The following MARCHF1 variants were observed in gnomAD, a reference collection of about 807,000 sequenced individuals.
The protein encoded by MARCHF1 is E3 ubiquitin-protein ligase MARCHF1.
Under a neutral mutation model 54.2 loss-of-function variants are expected in MARCHF1, and 40 were observed. The observed-to-expected ratio is 0.74, with a 90% CI of 0.57 to 0.96. The LOEUF (loss-of-function observed/expected upper bound fraction) is 0.96. MARCHF1 is among the 40% of genes least tolerant of loss of function. The pLI, the probability that MARCHF1 is intolerant of heterozygous loss-of-function variation, is 0.00. For missense variants in MARCHF1, 586 were observed against 656.5 expected, an observed-to-expected ratio of 0.89 and a Z score of 1.17; for synonymous variants, 236 against 236.3, an observed-to-expected ratio of 1.00 and a Z score of 0.01.
intron 1 of MARCHF1, chr4:164,197,507 C>G: frequency 6.2e-7 from 1 of 1,613,484 alleles, no homozygotes. Flanking sequence ...ACTCTTAGTT[C>G]AAGCTTTCTC....
intron 2 of MARCHF1, among the ~76,000 whole-genome samples, chr4:164,062,726 G>A (rs982699575): frequency 2.0e-5 from 3 of 152,188 alleles, no homozygotes; most frequent in Middle Eastern, 3.4e-3. Flanking sequence ...GTTTCACCAC[G>A]TTAGCCAGGC....
chr4:163,690,005 C>T (rs564787772), intron 5 of MARCHF1, among the ~76,000 whole-genome samples: 2 of 152,124 alleles, frequency 1.3e-5, no homozygotes, highest in Non-Finnish European at 2.9e-5. Flanking sequence ...GTTGGCATGA[C>T]CCCTTTTTCT....
intron 5 of MARCHF1, among the ~76,000 whole-genome samples, chr4:163,650,059 TA>T (rs1416008695): frequency 6.6e-6 from 1 of 151,904 alleles, no homozygotes; most frequent in Non-Finnish European, 1.5e-5. Context: ...TTAAAGTTAA[TA>T]TGTTACAGTA....
At chr4:163,892,186 T>G (rs941526079) in intron 3 of MARCHF1, among the ~76,000 whole-genome samples, 2 of 152,348 alleles carry the variant, frequency 1.3e-5, no homozygotes, top group African/African-American at 2.4e-5. Flanking sequence ...ACTTAACCAG[T>G]TAACTGTTCC....
chr4:163,620,646 G>C (rs202230842), intron 5 of MARCHF1, among the ~76,000 whole-genome samples: 13,749 of 132,458 alleles, frequency 0.1, 925 homozygotes, highest in East Asian at 0.25. Flanking sequence ...GAGAGAGAGA[G>C]ACACGCACAC....
intron 2 of MARCHF1, among the ~76,000 whole-genome samples, chr4:163,994,589 A>G (rs910181720): frequency 2.6e-5 from 4 of 152,080 alleles, no homozygotes; most frequent in Non-Finnish European, 4.4e-5. Context: ...ATTTAAAAAA[A>G]AGAAAGAAGT....
chr4:163,665,674 T>C (rs1387106641), intron 5 of MARCHF1, among the ~76,000 whole-genome samples: 2 of 152,152 alleles, frequency 1.3e-5, no homozygotes, highest in East Asian at 3.9e-4. Context: ...TTGTGAAATT[T>C]TGTTTTCTTT....
At chr4:164,227,364 T>G (rs570254602) in intron 1 of MARCHF1, among the ~76,000 whole-genome samples, 1 of 152,204 alleles carries the variant, frequency 6.6e-6, no homozygotes, top group African/African-American at 2.4e-5. Context: ...CTCCACCTGG[T>G]CCCACCCTTG....
At chr4:163,810,009 C>G (rs1410820032) in intron 4 of MARCHF1, among the ~76,000 whole-genome samples, 1 of 151,516 alleles carries the variant, frequency 6.6e-6, no homozygotes, top group Non-Finnish European at 1.5e-5. Context: ...AAGTTCTAAG[C>G]AAATGTTATC....
At chr4:163,796,649 T>C (rs2320901) in intron 4 of MARCHF1, among the ~76,000 whole-genome samples, 119,268 of 151,984 alleles carry the variant, frequency 0.78, 48,003 homozygotes, top group Non-Finnish European at 0.88. Context: ...AATGCATTCA[T>C]ATCAATTATG....
chr4:163,660,342 G>A (rs1743302308), intron 5 of MARCHF1, among the ~76,000 whole-genome samples: 1 of 152,002 alleles, frequency 6.6e-6, no homozygotes, highest in Non-Finnish European at 1.5e-5. Context: ...TCATAAGTGG[G>A]AGTTGAACAA....
chr4:164,247,607 T>C (rs1016174175), intron 1 of MARCHF1, among the ~76,000 whole-genome samples: 1 of 15,226 alleles, frequency 6.6e-5, no homozygotes, highest in Non-Finnish European at 1.6e-4. Context: ...TAAAGTATAA[T>C]AATAAAAAAA....
chr4:163,804,931 A>G (rs1208955822), intron 4 of MARCHF1, among the ~76,000 whole-genome samples: 1 of 152,192 alleles, frequency 6.6e-6, no homozygotes, highest in Non-Finnish European at 1.5e-5. Flanking sequence ...TGAAAATTTC[A>G]GTGATTGCAA....
At chr4:163,769,853 C>G (rs866292764) in intron 4 of MARCHF1, among the ~76,000 whole-genome samples, 20 of 152,040 alleles carry the variant, frequency 1.3e-4, no homozygotes, top group Non-Finnish European at 2.5e-4. Flanking sequence ...TACAATTGAC[C>G]CTTGAGCCAC....
chr4:164,274,660 T>G (rs1490505799), intron 1 of MARCHF1, among the ~76,000 whole-genome samples: 2 of 21,482 alleles, frequency 9.3e-5, no homozygotes, highest in Admixed American at 8.4e-4. Flanking sequence ...CAGGGTACAC[T>G]TTTTTTTTTT....
intron 8 of MARCHF1, among the ~76,000 whole-genome samples, chr4:163,579,390 TTTTTC>T (rs1376817762): frequency 6.6e-6 from 1 of 152,170 alleles, no homozygotes; most frequent in East Asian, 1.9e-4. Context: ...AGTTGAAATA[TTTTTC>T]TTTTAATAAT....
chr4:163,916,364 T>C (rs550324034), intron 3 of MARCHF1, among the ~76,000 whole-genome samples: 129 of 123,880 alleles, frequency 1.0e-3, no homozygotes, highest in African/African-American at 4.3e-3. Flanking sequence ...CAAAATTGGG[T>C]GTTCTCCCAC....
intron 1 of MARCHF1, among the ~76,000 whole-genome samples, chr4:164,339,366 A>G (rs1415996138): frequency 1.3e-5 from 2 of 152,236 alleles, no homozygotes; most frequent in African/African-American, 2.4e-5. Flanking sequence ...AGGTTAGAAT[A>G]ATAATTATCT....
chr4:163,715,352 T>C (rs1171565976), intron 4 of MARCHF1, among the ~76,000 whole-genome samples: 2 of 152,154 alleles, frequency 1.3e-5, no homozygotes, highest in Non-Finnish European at 2.9e-5. Flanking sequence ...TTCACGCCAT[T>C]CATCTGCCTC....
Sources: allele counts gnomAD v4.1 joint callset (sites outside exome capture counted in the v4.1 genomes callset), GRCh38; gene constraint gnomAD v4.1.1; transcripts MANE v1.5; gene names NCBI Gene and HGNC (gene_info 2026-07-23, HGNC 2026-07-21).